The following PXK variants were observed in gnomAD, a reference collection of about 807,000 sequenced individuals.
PXK encodes the protein PX domain-containing protein kinase-like protein.
A neutral mutation model predicts 84.7 loss-of-function variants in PXK; 35 were observed. The ratio of observed to expected loss-of-function variants is 0.41; its 90% confidence interval spans 0.32 to 0.55. PXK has a LOEUF of 0.55. PXK is among the 20% of genes least tolerant of loss of function. PXK has a pLI of 0.21. For missense variants in PXK, 634 were observed against 699.7 expected (o/e 0.91, Z 1.06); for synonymous variants, 253 against 260.8 (o/e 0.97, Z 0.29).
chr3:58,415,943 G>T (rs2060895665), intron 17 of PXK, among the ~76,000 whole-genome samples: 1 of 152,216 alleles, frequency 6.6e-6, no homozygotes, highest in South Asian at 2.1e-4. Context: ...TAGATTCAGA[G>T]ATCTGACTTG....
In PXK at chr3:58,348,754, TA is replaced by T. The variant is rs765768894; in HGVS notation, c.102+15678del. Among the ~76,000 whole-genome samples, 1,380 of 138,160 alleles carry T rather than the reference TA, an allele frequency of 1.0e-2. 14 individuals are homozygous for T. The highest frequency in any genetic ancestry group is 0.027 in the African/African-American group (1,016 of 37,838). 90.6% of individuals were successfully genotyped at this position (138,160 alleles called of 152,430 possible). A position where few individuals can be genotyped will look rare whatever the true frequency, so the allele number is the denominator to read the frequency against. On this transcript the variant is annotated intron_variant, in intron 1 of 17. Transcript: ENST00000356151. ...AGCAAGATCTAGTCTCTACAAAACT[TA>T]AAAAAAAAAAAAAGTCAGGTGTGGT...
intron 1 of PXK, among the ~76,000 whole-genome samples, chr3:58,361,886 G>A (rs1241739937): frequency 6.6e-6 from 1 of 152,140 alleles, no homozygotes; most frequent in African/African-American, 2.4e-5. Flanking sequence ...GGGTTGTATG[G>A]TAGTTGCATA....
chr3:58,409,545 G>T lies in PXK; in HGVS notation c.1322G>T (p.Arg441Leu). The T allele has an allele frequency of 6.2e-7, 1 of 1,613,248 alleles. No homozygotes were observed. Among genetic ancestry groups the T allele is most frequent in the Non-Finnish European group, 8.5e-7 (1 of 1,179,686 alleles). The change falls in exon 15 of 18, where the codon CGA (arginine) becomes CTA (leucine). Residue 441 changes from arginine to leucine, a missense_variant. By Grantham distance (102) the Arg-to-Leu change is moderately radical. Coordinates refer to ENST00000356151, the MANE Select transcript of PXK (RefSeq NM_017771.5). This position sits in a 1 kb window ranked among gnomAD's most constrained non-coding sequence, Gnocchi z 4.2. ...IEEQKQIHQH[R>L]RLTRAQSHHG... is the part of the protein sequence containing the mutation. Reference sequence around the variant, plus strand: ...GGTCTTTTAAAGATTCACCAGCATCGAAGACTGACAAGAGCTCAGTCCCAC... The same window carrying T: ...GGTCTTTTAAAGATTCACCAGCATCTAAGACTGACAAGAGCTCAGTCCCAC...
At chr3:58,343,930 A>G (rs532902067) in intron 1 of PXK, among the ~76,000 whole-genome samples, 4 of 152,142 alleles carry the variant, frequency 2.6e-5, no homozygotes, top group Non-Finnish European at 5.9e-5. Flanking sequence ...ATTCCCATAG[A>G]GTATATCTGC....
At chr3:58,403,008 CTT>C (rs71287200) in intron 12 of PXK, among the ~76,000 whole-genome samples, 9 of 141,258 alleles carry the variant, frequency 6.4e-5, no homozygotes, top group Admixed American at 7.1e-5. Flanking sequence ...ATAACATACC[CTT>C]TTTTTTTTTT....
At chr3:58,377,846 T>C (rs1285312365) in intron 3 of PXK, among the ~76,000 whole-genome samples, 6 of 152,102 alleles carry the variant, frequency 3.9e-5, no homozygotes, top group Non-Finnish European at 8.8e-5. Flanking sequence ...TAAGCAAATG[T>C]AGGAAGGCAG....
In PXK at chr3:58,333,550, A is replaced by G. The variant is rs2097534541; in HGVS notation, c.102+460A>G. The stretch of plus-strand genomic sequence containing the variant: ...TGGGGATGAGGGTGTGCCGGGCCAA[A>G]TGAAGTGTGACTCCAGAGCCTACTT... On this transcript the variant is annotated intron_variant, in intron 1 of 17. Transcript: ENST00000356151. This position sits in a 1 kb window ranked among gnomAD's most constrained non-coding sequence, Gnocchi z 5.4. 2.2e-6 allele frequency: 1 copy of G among 456,680 alleles called. No individual in the cohort carries two copies. Among genetic ancestry groups the G allele is most frequent in the Non-Finnish European group, 4.4e-6 (1 of 226,944 alleles). 28.3% of individuals were successfully genotyped at this position (456,680 alleles called of 1,614,324 possible).
Position 58,421,380 on chromosome 3 carries a change from A to G in PXK, c.1529-3372A>G. On this transcript the variant is annotated intron_variant, in intron 17 of 17. Transcript: ENST00000356151. The surrounding 1 kb of genome is among the most constrained non-coding windows in gnomAD (Gnocchi z 5.5). ...GCGGATCACAAGGATCAGGAGTTCA[A>G]GACCAACCTGGCCAACATGGTGAAA... is the stretch of plus-strand genomic sequence containing the variant. 1.1e-6 allele frequency: 1 copy of G among 929,256 alleles called. No individual in the cohort carries two copies. 57.6% of individuals were successfully genotyped at this position (929,256 alleles called of 1,614,324 possible).
intron 4 of PXK, among the ~76,000 whole-genome samples, chr3:58,388,525 G>T (rs2098588416): frequency 6.6e-6 from 1 of 152,206 alleles, no homozygotes; most frequent in East Asian, 1.9e-4. Context: ...ATATTAACAT[G>T]AATTATAGAA....
chr3:58,344,535 A>G (rs2097784791), intron 1 of PXK, among the ~76,000 whole-genome samples: 1 of 152,166 alleles, frequency 6.6e-6, no homozygotes, highest in African/African-American at 2.4e-5. Context: ...GGAAAAGACA[A>G]GTGGTCGGCT....
chr3:58,371,792 T>TCA (rs2108548231), intron 3 of PXK, among the ~76,000 whole-genome samples: 1 of 152,338 alleles, frequency 6.6e-6, no homozygotes, highest in African/African-American at 2.4e-5. Flanking sequence ...CATGTATTGA[T>TCA]GTTGGCTTAT....
In PXK at chr3:58,409,005, A is replaced by G; in HGVS notation, c.1308+4A>G. 2 of 1,568,312 alleles carry G rather than the reference A, an allele frequency of 1.3e-6. No individual in the cohort carries two copies. Among genetic ancestry groups the G allele is most frequent in the South Asian group, 1.1e-5 (1 of 89,746 alleles). On this transcript the variant is annotated splice_donor_region_variant and intron_variant, in intron 14 of 17. Coordinates refer to ENST00000356151, the MANE Select transcript of PXK (RefSeq NM_017771.5). This position sits in a 1 kb window ranked among gnomAD's most constrained non-coding sequence, Gnocchi z 4.2. ...ACTAATTGAGGAACAGAAACAGGTA[A>G]ATTGATAACGGTTCCTCTTTGCCTT...
chr3:58,422,433 G>A (rs2062037806), intron 17 of PXK: 1 of 985,296 alleles, frequency 1.0e-6, no homozygotes, highest in Non-Finnish European at 1.2e-6. Flanking sequence ...GCCACATCAG[G>A]GAGATCCTGC....
intron 1 of PXK, among the ~76,000 whole-genome samples, chr3:58,360,504 T>G (rs1040981655): frequency 3.9e-5 from 6 of 152,018 alleles, no homozygotes; most frequent in African/African-American, 1.5e-4. Flanking sequence ...CCACTCAAAG[T>G]TAGTAAAACA....
rs1491335758 is a variant in PXK, at chr3:58,382,508, T to TG, written c.202-6_202-5insG. On this transcript the variant is annotated splice_polypyrimidine_tract_variant and splice_region_variant and intron_variant, in intron 3 of 17. Coordinates refer to ENST00000356151, the MANE Select transcript of PXK (RefSeq NM_017771.5). ...TGAGTGTAACTTTTTTTTTTTTTTT[T>TG]TAAAGATTGCAGGCCTAAGTCTACC... 1 of 1,525,968 alleles carries TG rather than the reference T, an allele frequency of 6.6e-7. No homozygotes were observed. The highest frequency in any genetic ancestry group is 8.7e-7 in the Non-Finnish European group (1 of 1,145,926). 94.5% of individuals were successfully genotyped at this position (1,525,968 alleles called of 1,614,324 possible).
Position 58,397,239 on chromosome 3 carries a change from A to C in PXK, c.984+39A>C. ...GTAATGAAATAGCAGGTTCATTTTT[A>C]GGTGTCAGTTATCCCCATGATCTGC... On this transcript the variant is annotated intron_variant, in intron 10 of 17. Coordinates refer to ENST00000356151, the MANE Select transcript of PXK (RefSeq NM_017771.5). The surrounding 1 kb of genome is among the most constrained non-coding windows in gnomAD (Gnocchi z 4.7). The C allele has an allele frequency of 6.3e-7, 1 of 1,594,848 alleles. No individual in the cohort carries two copies. Among genetic ancestry groups the C allele is most frequent in the Non-Finnish European group, 8.6e-7 (1 of 1,163,936 alleles).
chr3:58,369,550 C>A, intron 3 of PXK, 72 bp downstream of exon 3: 2 of 1,199,910 alleles, frequency 1.7e-6, no homozygotes, highest in Non-Finnish European at 2.5e-6. Context: ...GGAGTCGGGG[C>A]ACGGTGGCTC....
At chr3:58,403,737 G>T in intron 12 of PXK, 125 bp from the exon 13 acceptor site, 1 of 458,540 alleles carries the variant, frequency 2.2e-6, no homozygotes, top group Non-Finnish European at 3.8e-6. Context: ...ATTGGGCCAG[G>T]GGCTGGAGGA....
chr3:58,384,052 G>A (rs1000107305), intron 4 of PXK, among the ~76,000 whole-genome samples: 17 of 152,164 alleles, frequency 1.1e-4, no homozygotes, highest in Non-Finnish European at 1.0e-4. Flanking sequence ...CCCAGGCTGC[G>A]TGCATGCTGA....
Sources: allele counts gnomAD v4.1 joint callset (sites outside exome capture counted in the v4.1 genomes callset), GRCh38; gene constraint gnomAD v4.1.1; non-coding constraint Gnocchi (gnomAD v3.1); transcripts MANE v1.5; gene names NCBI Gene and HGNC (gene_info 2026-07-23, HGNC 2026-07-21).